The following ZRANB3 variants were observed in gnomAD, a reference collection of about 807,000 sequenced individuals.
ZRANB3 encodes the protein zinc finger RANBP2-type containing 3.
ZRANB3 carries 125 observed loss-of-function variants against 133.8 expected under a neutral mutation model. The observed-to-expected ratio is 0.93, with a 90% CI of 0.81 to 1.08. The LOEUF (loss-of-function observed/expected upper bound fraction) is 1.08. Ranked by LOEUF, ZRANB3 falls within the 50% of genes least tolerant of loss-of-function variation. ZRANB3 has a pLI of 0.00. For missense variants in ZRANB3, 1,229 were observed against 1,275.5 expected (o/e 0.96, Z 0.56); for synonymous variants, 387 against 432.7 (o/e 0.89, Z 1.31).
intron 7 of ZRANB3, among the ~76,000 whole-genome samples, chr2:135,314,153 C>T (rs887323495): frequency 2.0e-5 from 3 of 152,062 alleles, no homozygotes; most frequent in Non-Finnish European, 4.4e-5. Flanking sequence ...CGTGAGCCAC[C>T]GCACCCTGGC....
At chr2:135,492,136 T>C (rs1192782076) in intron 2 of ZRANB3, among the ~76,000 whole-genome samples, 1 of 152,180 alleles carries the variant, frequency 6.6e-6, no homozygotes, top group Non-Finnish European at 1.5e-5. Context: ...AGAATGATCA[T>C]ATAATAACAT....
chr2:135,212,685 A>G (rs748652654), intron 17 of ZRANB3, among the ~76,000 whole-genome samples: 12 of 152,182 alleles, frequency 7.9e-5, no homozygotes, highest in Non-Finnish European at 1.5e-4. Context: ...GTAAATCCCA[A>G]TTTTAGTAAA....
intron 6 of ZRANB3, among the ~76,000 whole-genome samples, chr2:135,315,999 A>G (rs571888020): frequency 1.3e-5 from 2 of 152,308 alleles, no homozygotes; most frequent in South Asian, 4.1e-4. Flanking sequence ...CTGTTAAAGC[A>G]TAGCAGATTG....
At chr2:135,358,889 C>G (rs1685552092) in intron 3 of ZRANB3, among the ~76,000 whole-genome samples, 1 of 152,004 alleles carries the variant, frequency 6.6e-6, no homozygotes, top group Admixed American at 6.6e-5. Flanking sequence ...GAAATACAAG[C>G]TATGCAAGCC....
At chr2:135,334,830 G>A (rs1354482986) in intron 6 of ZRANB3, among the ~76,000 whole-genome samples, 1 of 152,124 alleles carries the variant, frequency 6.6e-6, no homozygotes, top group Non-Finnish European at 1.5e-5. Flanking sequence ...GGGAGGCGGA[G>A]GTTGCAGTGT....
intron 6 of ZRANB3, among the ~76,000 whole-genome samples, chr2:135,331,407 T>C (rs1217127954): frequency 6.6e-6 from 1 of 152,228 alleles, no homozygotes; most frequent in Non-Finnish European, 1.5e-5. Context: ...TCTAATTTGA[T>C]TGGACTGTGG....
At chr2:135,235,056 A>G (rs1235675515) in intron 12 of ZRANB3, among the ~76,000 whole-genome samples, 1 of 152,186 alleles carries the variant, frequency 6.6e-6, no homozygotes, top group Non-Finnish European at 1.5e-5. Flanking sequence ...ACTAATAAAG[A>G]AGAAAAGAGA....
Position 135,265,670 on chromosome 2 carries a change from C to T in ZRANB3, c.1403G>A (p.Ser468Asn), listed in dbSNP as rs1293009170. Reference sequence around the variant, plus strand: ...TTTTTCTTTCCTACCGTTCAGTGTGCTCCCTGTAACTTGAGCCTACAAGAG... The same window carrying T: ...TTTTTCTTTCCTACCGTTCAGTGTGTTCCCTGTAACTTGAGCCTACAAGAG... ...MLNRKAQVTG[S>N]TLNGRKEKIQ... Residue 468 changes from serine (S) to asparagine (N), a missense_variant, in exon 12 of 21, where the codon AGC becomes AAC. Transcript: ENST00000264159. 1.2e-6 allele frequency: 2 copies of T among 1,612,986 alleles called. No individual in the cohort carries two copies. Among genetic ancestry groups the T allele is most frequent in the South Asian group, 1.1e-5 (1 of 90,788 alleles).
intron 2 of ZRANB3, among the ~76,000 whole-genome samples, chr2:135,428,027 C>A (rs538665875): frequency 9.9e-5 from 15 of 152,266 alleles, no homozygotes; most frequent in African/African-American, 3.6e-4. Flanking sequence ...TGGATACCTT[C>A]CTTTGATCAT....
At chr2:135,368,998 C>T (rs1163956293) in intron 3 of ZRANB3, among the ~76,000 whole-genome samples, 1 of 151,808 alleles carries the variant, frequency 6.6e-6, no homozygotes, top group African/African-American at 2.4e-5. Flanking sequence ...TGCCTGTAAA[C>T]TCACTTAGGA....
At chr2:135,460,784 G>T (rs2105015754) in intron 2 of ZRANB3, among the ~76,000 whole-genome samples, 1 of 152,036 alleles carries the variant, frequency 6.6e-6, no homozygotes, top group South Asian at 2.1e-4. Context: ...AAGAATCTCA[G>T]AAAAAGAAAT....
intron 5 of ZRANB3, among the ~76,000 whole-genome samples, chr2:135,349,479 A>T (rs1685092949): frequency 1.3e-5 from 2 of 152,298 alleles, no homozygotes; most frequent in Admixed American, 1.3e-4. Context: ...GGTATCAAAC[A>T]CATGCCTTAT....
At chr2:135,315,636 T>C in intron 6 of ZRANB3, 106 bp from the exon 7 acceptor site, 3 of 815,668 alleles carry the variant, frequency 3.7e-6, no homozygotes, top group Non-Finnish European at 5.2e-6. Context: ...ATGACACTGT[T>C]TTCATTGATA....
chr2:135,425,935 T>C (rs528588882), intron 2 of ZRANB3, among the ~76,000 whole-genome samples: 5 of 151,334 alleles, frequency 3.3e-5, no homozygotes, highest in Admixed American at 1.3e-4. Flanking sequence ...AATAAATAGA[T>C]AGACCACTAG....
intron 8 of ZRANB3, among the ~76,000 whole-genome samples, chr2:135,298,459 A>C (rs188334978): frequency 6.6e-6 from 1 of 152,120 alleles, no homozygotes; most frequent in African/African-American, 2.4e-5. Context: ...ATGTCAGAGG[A>C]AAGATCTGGG....
chr2:135,305,932 G>T (rs1253056839), intron 8 of ZRANB3, among the ~76,000 whole-genome samples: 5 of 152,000 alleles, frequency 3.3e-5, no homozygotes, highest in Admixed American at 1.3e-4. Context: ...TGCCTGTAAG[G>T]TTTCTTTTGA....
At chr2:135,420,129 T>C (rs1688778533) in intron 2 of ZRANB3, among the ~76,000 whole-genome samples, 2 of 108,372 alleles carry the variant, frequency 1.8e-5, no homozygotes, top group African/African-American at 6.5e-5. Flanking sequence ...ATATATAACT[T>C]ATAGAGGATA....
Position 135,483,000 on chromosome 2 carries a change from G to A in ZRANB3, c.161+21329C>T, listed in dbSNP as rs572755148. On this transcript the variant is annotated intron_variant, in intron 2 of 20. Transcript: ENST00000264159. Reference sequence around the variant, plus strand: ...TCATGGTGGATAAGCTTTTTGATGTGCTGCTGGATTCGGTTTGCCAATATT... The same window carrying A: ...TCATGGTGGATAAGCTTTTTGATGTACTGCTGGATTCGGTTTGCCAATATT... Among the ~76,000 whole-genome samples, 459 of 152,148 alleles carry A rather than the reference G, an allele frequency of 3.0e-3. 3 individuals carry two copies. Among genetic ancestry groups the A allele is most frequent in the African/African-American group, 0.01 (420 of 41,482 alleles).
intron 6 of ZRANB3, among the ~76,000 whole-genome samples, chr2:135,321,371 CA>C: frequency 6.6e-6 from 1 of 152,238 alleles, no homozygotes; most frequent in East Asian, 1.9e-4. Context: ...GGCATTTTTT[CA>C]TGTGCTTATT....
Sources: allele counts gnomAD v4.1 joint callset (sites outside exome capture counted in the v4.1 genomes callset), GRCh38; gene constraint gnomAD v4.1.1; transcripts MANE v1.5; gene names NCBI Gene and HGNC (gene_info 2026-07-23, HGNC 2026-07-21).